Variants in UBE2E2 observed in about 807,000 individuals in gnomAD.
UBE2E2 encodes ubiquitin-conjugating enzyme E2 E2.
UBE2E2 carries 6 observed loss-of-function variants against 24.7 expected under a neutral mutation model. That is an observed-to-expected ratio of 0.24 (90% confidence interval 0.13 to 0.48). The LOEUF (loss-of-function observed/expected upper bound fraction) is 0.48. Ranked by LOEUF, UBE2E2 falls within the 20% of genes least tolerant of loss-of-function variation. UBE2E2 has a pLI of 0.99. For synonymous variants in UBE2E2, 104 were observed against 83.6 expected (o/e 1.24, Z -1.33); for missense variants, 169 against 245.0 (o/e 0.69, Z 2.07).
chr3:23,352,914 G>T (rs28805096), intron 3 of UBE2E2, among the ~76,000 whole-genome samples: 3,678 of 152,132 alleles, frequency 0.024, 45 homozygotes, highest in Middle Eastern at 0.044. Flanking sequence ...TACCAAAGCC[G>T]GGCAGAGACA....
intron 3 of UBE2E2, among the ~76,000 whole-genome samples, chr3:23,354,542 A>T (rs1695877742): frequency 6.6e-6 from 1 of 152,234 alleles, no homozygotes; most frequent in Admixed American, 6.5e-5. Flanking sequence ...GCAAGAAAAA[A>T]ACAACCCCAT....
intron 3 of UBE2E2, among the ~76,000 whole-genome samples, chr3:23,242,748 A>G (rs1003388492): frequency 6.6e-6 from 1 of 152,168 alleles, no homozygotes; most frequent in African/African-American, 2.4e-5. Context: ...ATAAACAGTT[A>G]AAATCCCCAA....
At chr3:23,372,616 T>C (rs1441065449) in intron 3 of UBE2E2, among the ~76,000 whole-genome samples, 1 of 152,214 alleles carries the variant, frequency 6.6e-6, no homozygotes, top group African/African-American at 2.4e-5. Flanking sequence ...AAGACTGTAG[T>C]ACAGATAAGC....
chr3:23,306,550 A>T (rs1014986776), intron 3 of UBE2E2, among the ~76,000 whole-genome samples: 1 of 152,200 alleles, frequency 6.6e-6, no homozygotes, highest in African/African-American at 2.4e-5. Context: ...TCCAATCAAA[A>T]CAAAGAGGTA....
chr3:23,566,700 C>T (rs1288894241), intron 5 of UBE2E2, among the ~76,000 whole-genome samples: 1 of 152,102 alleles, frequency 6.6e-6, no homozygotes, highest in Non-Finnish European at 1.5e-5. Context: ...CATTACCACT[C>T]ATTACTGAGG....
At chr3:23,527,296 A>G (rs772182167) in intron 4 of UBE2E2, among the ~76,000 whole-genome samples, 5 of 152,204 alleles carry the variant, frequency 3.3e-5, no homozygotes, top group Non-Finnish European at 5.9e-5. Flanking sequence ...TGACCCACCA[A>G]TTACACTCTT....
chr3:23,216,710 C>A (rs1696485791), intron 2 of UBE2E2, among the ~76,000 whole-genome samples: 1 of 151,904 alleles, frequency 6.6e-6, no homozygotes, highest in Non-Finnish European at 1.5e-5. Flanking sequence ...CATGCAATGA[C>A]ATTAATTGCT....
chr3:23,424,374 C>T (rs1697875565), intron 3 of UBE2E2, among the ~76,000 whole-genome samples: 1 of 151,096 alleles, frequency 6.6e-6, no homozygotes, highest in African/African-American at 2.4e-5. Flanking sequence ...GGGGTATCTA[C>T]TCTTGTAGGG....
intron 4 of UBE2E2, among the ~76,000 whole-genome samples, chr3:23,526,738 G>A (rs1219852695): frequency 6.6e-6 from 1 of 152,142 alleles, no homozygotes; most frequent in East Asian, 1.9e-4. Flanking sequence ...AGAACATGTT[G>A]GAACAGTCAG....
intron 3 of UBE2E2, among the ~76,000 whole-genome samples, chr3:23,346,128 G>C (rs11711072): frequency 0.54 from 82,694 of 151,980 alleles, 22,715 homozygotes; most frequent in Admixed American, 0.66. Flanking sequence ...CAATTTCTAA[G>C]ATTGTGTTTC....
chr3:23,545,245 C>T (rs1044172663), intron 5 of UBE2E2, among the ~76,000 whole-genome samples: 155 of 152,246 alleles, frequency 1.0e-3, no homozygotes, highest in Non-Finnish European at 2.0e-3. Flanking sequence ...TCAGGTCTTT[C>T]CCTTCCCACG....
At chr3:23,531,455 A>G (rs556222215) in intron 4 of UBE2E2, among the ~76,000 whole-genome samples, 1 of 152,090 alleles carries the variant, frequency 6.6e-6, no homozygotes, top group Non-Finnish European at 1.5e-5. Flanking sequence ...ATTTGCACTT[A>G]ATTATTTTCG....
intron 3 of UBE2E2, among the ~76,000 whole-genome samples, chr3:23,232,064 G>A (rs572405650): frequency 5.7e-4 from 87 of 152,262 alleles, no homozygotes; most frequent in African/African-American, 1.9e-3. Context: ...TGATTAAATC[G>A]TTGGCCAGTG....
chr3:23,449,861 C>A, intron 3 of UBE2E2: 1 of 985,412 alleles, frequency 1.0e-6, no homozygotes. Flanking sequence ...CTGGCAGAAA[C>A]CCCAGCCCTA....
chr3:23,292,109 T>C (rs186790859), intron 3 of UBE2E2, among the ~76,000 whole-genome samples: 81 of 152,112 alleles, frequency 5.3e-4, no homozygotes, highest in South Asian at 1.5e-3. Flanking sequence ...TCGCTCACCT[T>C]GGCCTCCCAA....
chr3:23,557,214 G>A (rs557937993), intron 5 of UBE2E2, among the ~76,000 whole-genome samples: 2 of 152,250 alleles, frequency 1.3e-5, no homozygotes, highest in Middle Eastern at 3.4e-3. Flanking sequence ...AAATTGTGAG[G>A]AGCACCTCCT....
chr3:23,356,606 A>G (rs1211651996), intron 3 of UBE2E2, among the ~76,000 whole-genome samples: 2 of 151,526 alleles, frequency 1.3e-5, no homozygotes, highest in African/African-American at 4.9e-5. Context: ...TCTTTCTTTT[A>G]TGTATCCCAA....
chr3:23,368,635 A>G (rs541076504), intron 3 of UBE2E2, among the ~76,000 whole-genome samples: 1 of 152,288 alleles, frequency 6.6e-6, no homozygotes, highest in South Asian at 2.1e-4. Context: ...TATCTGTATT[A>G]TTAATGCAGT....
chr3:23,223,836 T>G (rs946448165), intron 3 of UBE2E2, among the ~76,000 whole-genome samples: 14 of 152,166 alleles, frequency 9.2e-5, no homozygotes, highest in Admixed American at 3.9e-4. Context: ...TGGTGAGAGA[T>G]AGGGGTTTAG....
Sources: allele counts gnomAD v4.1 joint callset (sites outside exome capture counted in the v4.1 genomes callset), GRCh38; gene constraint gnomAD v4.1.1; transcripts MANE v1.5; gene names NCBI Gene and HGNC (gene_info 2026-07-23, HGNC 2026-07-21).